BRAF: variants seen among roughly 807,000 people sequenced by gnomAD.
BRAF encodes B-Raf proto-oncogene, serine/threonine kinase.
A neutral mutation model predicts 104.6 loss-of-function variants in BRAF; 16 were observed. The observed-to-expected ratio is 0.15, with a 90% CI of 0.10 to 0.23. BRAF has a LOEUF of 0.23. Among genes scored for constraint, BRAF ranks in the 10% least tolerant of loss-of-function variants. BRAF has a pLI of 1.00. For synonymous variants in BRAF, 310 were observed against 341.6 expected, an observed-to-expected ratio of 0.91 and a Z score of 1.02; for missense variants, 541 against 937.3, an observed-to-expected ratio of 0.58 and a Z score of 5.52.
chr7:140,851,602 G>A (rs1809164910), intron 1 of BRAF, among the ~76,000 whole-genome samples: 1 of 152,062 alleles, frequency 6.6e-6, no homozygotes, highest in African/African-American at 2.4e-5. Flanking sequence ...CTAGGTATAG[G>A]ATTCCAGGAT....
In BRAF at chr7:140,785,927, G is replaced by A. The variant is rs551125352; in HGVS notation, c.1178-119C>T. The A allele has an allele frequency of 8.0e-4, 315 of 395,104 alleles. No individual in the cohort carries two copies. The highest frequency in any genetic ancestry group is 1.3e-3 in the Non-Finnish European group (285 of 224,462). 24.5% of individuals were successfully genotyped at this position (395,104 alleles called of 1,614,324 possible). On this transcript the variant is annotated intron_variant, in intron 9 of 19. Transcript: ENST00000644969. ...AAGCCTGTTTCATAAAATAATTCTG[G>A]ACCAAAAATCTGCTTATTTTCATAA... is the stretch of plus-strand genomic sequence containing the variant.
rs536413876 is a variant in BRAF at position 140,872,093 on chromosome 7, C to T, written c.139-21881G>A. On this transcript the variant is annotated intron_variant, in intron 1 of 19. Transcript: ENST00000644969. ...AGCCGGTTGTGGTGTCACATGCCTGCAGTCCCAGCTACTTGGGAGGCTGAA... is the reference window on the plus strand; with the variant it reads ...AGCCGGTTGTGGTGTCACATGCCTGTAGTCCCAGCTACTTGGGAGGCTGAA... 7.9e-5 allele frequency among the ~76,000 whole-genome samples: 12 copies of T among 152,200 alleles called. No homozygotes were observed. The East Asian group carries it at 1.9e-3, about 24-fold the overall frequency.
rs796485354 is a variant in BRAF, at chr7:140,723,914, AAAACACAAAT to A, written c.*2570_*2579del. 2.9e-6 allele frequency: 3 copies of A among 1,044,722 alleles called. No individual in the cohort carries two copies. Among genetic ancestry groups the A allele is most frequent in the Middle Eastern group, 8.8e-4 (2 of 2,274 alleles). The allele number at this position is 1,044,722 out of a possible 1,614,324, so 64.7% of individuals were successfully genotyped here. ...CTAAGCATCAAAAAATAAAGCAGAT[AAAACACAAAT>A]AAAACCTATTTTCATGTCATTTGTA... is the stretch of plus-strand genomic sequence containing the variant. On this transcript the variant is annotated 3_prime_UTR_variant, in exon 20 of 20. Coordinates refer to ENST00000644969, the MANE Select transcript of BRAF (RefSeq NM_001374258.1).
At chr7:140,769,108 G>A (rs747139695) in intron 14 of BRAF, among the ~76,000 whole-genome samples, 30 of 145,866 alleles carry the variant, frequency 2.1e-4, no homozygotes, top group Non-Finnish European at 3.9e-4. Flanking sequence ...ACAGAATCTC[G>A]CTCTGTCACC....
chr7:140,768,881 A>C (rs966456520), intron 14 of BRAF, among the ~76,000 whole-genome samples: 15 of 151,550 alleles, frequency 9.9e-5, no homozygotes, highest in Admixed American at 9.9e-4. Flanking sequence ...GTGTGTGCCC[A>C]CTCCCTCTTC....
At chr7:140,731,372 A>G (rs1795950283) in intron 19 of BRAF, 1 of 152,240 alleles carries the variant, frequency 6.6e-6, no homozygotes, top group Non-Finnish European at 1.5e-5. Flanking sequence ...AGTCTTTTAA[A>G]TTCTTTGAGA....
At chr7:140,835,208 A>T (rs1807195337) in intron 2 of BRAF, 2 of 263,142 alleles carry the variant, frequency 7.6e-6, no homozygotes, top group South Asian at 1.1e-4. Context: ...ACGTAAGATA[A>T]AACACTGTAT....
chr7:140,850,262 T>C (rs891160744), intron 1 of BRAF, 50 bp from the exon 2 acceptor site: 3 of 1,381,506 alleles, frequency 2.2e-6, no homozygotes, highest in Admixed American at 1.7e-5. Flanking sequence ...AGTATATGAA[T>C]TAGAAATATT....
intron 2 of BRAF, chr7:140,835,759 T>C (rs1390133170): frequency 2.6e-5 from 4 of 152,174 alleles, no homozygotes; most frequent in African/African-American, 4.8e-5. Context: ...AATTGGAATA[T>C]ACAAGTCCAT....
rs866418260 is a variant in BRAF, at chr7:140,877,548, A to T, written c.139-27336T>A. On this transcript the variant is annotated intron_variant, in intron 1 of 19. Coordinates refer to ENST00000644969, the MANE Select transcript of BRAF (RefSeq NM_001374258.1). ...CAGAAATCCATGAGATTGAAAACAG[A>T]AAAAAATGTTGAAAACAAAAGCTTG... is the stretch of plus-strand genomic sequence containing the variant. Among the ~76,000 whole-genome samples the T allele has an allele frequency of 4.9e-4, 74 of 152,272 alleles. No individual in the cohort carries two copies. The Middle Eastern group carries it at 0.014, about 28-fold the overall frequency.
rs371307622 is a variant in BRAF, at chr7:140,722,987, A to G, written c.*3507T>C. 8.1e-5 allele frequency: 85 copies of G among 1,054,224 alleles called. No homozygotes were observed. Among genetic ancestry groups the G allele is most frequent in the Non-Finnish European group, 9.7e-5 (85 of 872,524 alleles). 65.3% of individuals were successfully genotyped at this position (1,054,224 alleles called of 1,614,324 possible). A position where few individuals can be genotyped will look rare whatever the true frequency, so the allele number is the denominator to read the frequency against. On this transcript the variant is annotated 3_prime_UTR_variant, in exon 20 of 20. Coordinates refer to ENST00000644969, the MANE Select transcript of BRAF (RefSeq NM_001374258.1). ...GAGTGCTCAAATACAAGTACACAAA[A>G]AAGTTAAAATCTTAAATCATCGTCA... is the stretch of plus-strand genomic sequence containing the variant.
rs1004711651 is a variant in BRAF at position 140,725,831 on chromosome 7, C to G, written c.*663G>C. The G allele has an allele frequency of 3.5e-5, 37 of 1,063,216 alleles. No homozygotes were observed. In the African/African-American group the frequency reaches 6.1e-4, roughly 17 times the overall value. The allele number at this position is 1,063,216 out of a possible 1,614,324, so 65.9% of individuals were successfully genotyped here. On this transcript the variant is annotated 3_prime_UTR_variant, in exon 20 of 20. Coordinates refer to ENST00000644969, the MANE Select transcript of BRAF (RefSeq NM_001374258.1). ...AGCAAGGAAACAAAAGGCCAGAGAC[C>G]CCGGAGGTCAGGAAGAAGATGCAGC...
At chr7:140,738,822 G>A (rs1228231766) in intron 18 of BRAF, among the ~76,000 whole-genome samples, 1 of 151,972 alleles carries the variant, frequency 6.6e-6, no homozygotes, top group Non-Finnish European at 1.5e-5. Flanking sequence ...CACCATGTTG[G>A]CCAGGCTGGT....
chr7:140,833,189 CTAGT>C (rs931995816), intron 3 of BRAF, among the ~76,000 whole-genome samples: 44 of 152,184 alleles, frequency 2.9e-4, no homozygotes, highest in African/African-American at 1.0e-3. Context: ...CGGCCGGAGG[CTAGT>C]TAAACTTAAT....
chr7:140,779,617 G>A (rs954242364), intron 12 of BRAF, among the ~76,000 whole-genome samples: 3 of 152,176 alleles, frequency 2.0e-5, no homozygotes, highest in Middle Eastern at 3.4e-3. Flanking sequence ...GGAGCATTTC[G>A]GGTTTGGGAT....
At chr7:140,910,677 TAC>T (rs984219271) in intron 1 of BRAF, among the ~76,000 whole-genome samples, 14 of 151,892 alleles carry the variant, frequency 9.2e-5, no homozygotes, top group African/African-American at 3.4e-4. Context: ...GGGGAAAAAA[TAC>T]ACTTTTTTTT....
At chr7:140,848,199 G>C (rs1808777710) in intron 2 of BRAF, among the ~76,000 whole-genome samples, 1 of 152,158 alleles carries the variant, frequency 6.6e-6, no homozygotes, top group South Asian at 2.1e-4. Flanking sequence ...TGGGGGGTGA[G>C]GGTGGGGAAA....
At chr7:140,754,963 T>C (rs1798080594) in intron 14 of BRAF, among the ~76,000 whole-genome samples, 1 of 152,210 alleles carries the variant, frequency 6.6e-6, no homozygotes, top group African/African-American at 2.4e-5. Context: ...ATCATCTATG[T>C]TACCCCTAAA....
At chr7:140,829,805 C>T (rs1806512386) in intron 3 of BRAF, among the ~76,000 whole-genome samples, 1 of 152,184 alleles carries the variant, frequency 6.6e-6, no homozygotes, top group African/African-American at 2.4e-5. Flanking sequence ...TGTTGACAGT[C>T]AGTTGCCCCT....
Sources: gnomAD v4.1 joint callset for allele counts (sites outside exome capture counted in the v4.1 genomes callset) on GRCh38, gnomAD v4.1.1 for gene constraint, MANE v1.5 for transcripts, NCBI Gene and HGNC (gene_info 2026-07-23, HGNC 2026-07-21) for gene names.